The following NHSL2 variants were observed in gnomAD, a reference collection of about 807,000 sequenced individuals.
NHSL2 encodes the protein NHS like 2.
NHSL2 carries 27 observed loss-of-function variants against 53.4 expected under a neutral mutation model. The ratio of observed to expected loss-of-function variants is 0.51; its 90% CI spans 0.37 to 0.70. The LOEUF is 0.70. Among genes scored for constraint, NHSL2 ranks in the 30% least tolerant of loss-of-function variants. NHSL2 has a pLI of 0.00. For missense variants in NHSL2, 892 were observed against 980.1 expected (o/e 0.91, Z 1.20); for synonymous variants, 408 against 404.1 (o/e 1.01, Z -0.12).
intron 1 of NHSL2, among the ~76,000 whole-genome samples, chrX:71,946,635 A>G (rs1381578490): frequency 8.9e-6 from 1 of 111,898 alleles, no homozygotes; most frequent in Non-Finnish European, 1.9e-5. Flanking sequence ...AGCCCATATC[A>G]TCTTATATCT....
At chrX:71,935,501 T>G (rs1158751482) in intron 1 of NHSL2, among the ~76,000 whole-genome samples, 1 of 112,832 alleles carries the variant, frequency 8.9e-6, no homozygotes, top group African/African-American at 3.2e-5. Flanking sequence ...GGCAGCTCAT[T>G]TGAAGGAGAG....
chrX:71,966,256 C>T (rs916299229), intron 1 of NHSL2, among the ~76,000 whole-genome samples: 53 of 112,156 alleles, frequency 4.7e-4, no homozygotes, highest in African/African-American at 1.7e-3. Context: ...CATCTGTGAA[C>T]ACAGACAGTT....
chrX:72,137,015 T>G, intron 4 of NHSL2, 79 bp from the exon 5 acceptor site: 2 of 864,129 alleles, frequency 2.3e-6, no homozygotes, highest in Non-Finnish European at 3.3e-6. Context: ...ACTGCCATCA[T>G]TCTCTTCTCT....
rs759783921 is a variant in NHSL2 at position 71,910,863 on chromosome X, G to C, written c.-225G>C. 7.6e-5 allele frequency: 17 copies of C among 224,751 alleles called. No homozygotes were observed. Among genetic ancestry groups the C allele is most frequent in the African/African-American group, 4.7e-4 (16 of 33,738 alleles). The allele number at this position is 224,751 out of a possible 1,213,427, so 18.5% of individuals were successfully genotyped here. ...CAGAGTCAGAGGGACTGGTGGCTCC[G>C]GCGAGTGTGCAGCCCCGGGGGAGCC... On this transcript the variant is annotated 5_prime_UTR_variant, in exon 1 of 8. Transcript: ENST00000633930.
intron 1 of NHSL2, among the ~76,000 whole-genome samples, chrX:72,027,885 C>T (rs2042193812): frequency 1.8e-5 from 2 of 110,850 alleles, no homozygotes; most frequent in Middle Eastern, 4.2e-3. Flanking sequence ...CAGAAGGAGG[C>T]TTGGTCCATG....
At chrX:71,923,438 T>C (rs1335104936) in intron 1 of NHSL2, among the ~76,000 whole-genome samples, 1 of 112,493 alleles carries the variant, frequency 8.9e-6, no homozygotes, top group Non-Finnish European at 1.9e-5. Flanking sequence ...GCATTGGGCT[T>C]GGCTGAATTG....
Position 71,943,747 on chromosome X carries a change from A to G in NHSL2, c.280+32380A>G, listed in dbSNP as rs1438900749. Among the ~76,000 whole-genome samples, 3 of 112,734 alleles carry G rather than the reference A, an allele frequency of 2.7e-5. No homozygotes were observed. The East Asian group carries it at 8.3e-4, about 31-fold the overall frequency. On this transcript the variant is annotated intron_variant, in intron 1 of 7. Transcript: ENST00000633930. ...GCAACATGCAAGGCATATGGGAGGTATAACTGGGTATACTTTGGCCTGAAA... is the reference window on the plus strand; with the variant it reads ...GCAACATGCAAGGCATATGGGAGGTGTAACTGGGTATACTTTGGCCTGAAA...
At position 71,916,270 on chromosome X, in the gene NHSL2, C is replaced by A. The variant is rs755055922; in HGVS notation, c.280+4903C>A. Among the ~76,000 whole-genome samples, 6 of 111,998 alleles carry A rather than the reference C, an allele frequency of 5.4e-5. No homozygotes were observed. In the East Asian group the frequency reaches 1.7e-3, roughly 31 times the overall value. On this transcript the variant is annotated intron_variant, in intron 1 of 7. Coordinates refer to ENST00000633930, the MANE Select transcript of NHSL2 (RefSeq NM_001013627.3). ...TTCAGAAGGCACCTTTTATTAAAAA[C>A]CAATGGGAACAAGAAAGTAACATTA...
intron 1 of NHSL2, among the ~76,000 whole-genome samples, chrX:72,119,642 G>T (rs1237335842): frequency 8.9e-6 from 1 of 112,383 alleles, no homozygotes; most frequent in Non-Finnish European, 1.9e-5. Context: ...AGTTTTAATA[G>T]TTTTTTAGTG....
chrX:72,027,960 G>A (rs1336828966), intron 1 of NHSL2, among the ~76,000 whole-genome samples: 1 of 111,974 alleles, frequency 8.9e-6, no homozygotes, highest in African/African-American at 3.3e-5. Context: ...GAGTTTAGGA[G>A]TGTGAGGTGT....
intron 3 of NHSL2, 144 bp downstream of exon 3, chrX:72,134,362 A>T: frequency 1.2e-6 from 1 of 841,356 alleles, no homozygotes; most frequent in Non-Finnish European, 1.7e-6. Context: ...TAGGCCCTGC[A>T]CAGCAGGTGC....
intron 1 of NHSL2, among the ~76,000 whole-genome samples, chrX:71,915,759 A>G (rs1211167457): frequency 9.0e-6 from 1 of 111,349 alleles, no homozygotes; most frequent in Non-Finnish European, 1.9e-5. Flanking sequence ...TCTGACAACC[A>G]GACTAGTGCT....
intron 1 of NHSL2, chrX:72,080,260 C>T (rs947865983): frequency 1.8e-5 from 2 of 111,594 alleles, no homozygotes; most frequent in Non-Finnish European, 3.8e-5. Flanking sequence ...CTTCTGGATC[C>T]GGGGAGGTGA....
intron 1 of NHSL2, chrX:72,131,381 T>C (rs1382680510): frequency 8.3e-7 from 1 of 1,210,452 alleles, no homozygotes; most frequent in South Asian, 1.8e-5. Flanking sequence ...GGCCAGCGGA[T>C]GTAGCTGGAG....
chrX:72,115,066 G>A (rs987877172), intron 1 of NHSL2, among the ~76,000 whole-genome samples: 7 of 111,454 alleles, frequency 6.3e-5, no homozygotes, highest in African/African-American at 2.3e-4. Context: ...AATATAGAAA[G>A]CTAAGTTCAG....
chrX:71,947,684 C>T (rs140568129), intron 1 of NHSL2, among the ~76,000 whole-genome samples: 2,853 of 112,091 alleles, frequency 0.025, 32 homozygotes, highest in Non-Finnish European at 0.038. Context: ...TCTGTAGTGT[C>T]CCTGCTTCCC....
chrX:72,030,759 T>C (rs1220843511), intron 1 of NHSL2, among the ~76,000 whole-genome samples: 1 of 112,142 alleles, frequency 8.9e-6, no homozygotes, highest in African/African-American at 3.2e-5. Flanking sequence ...AATTTCGAGC[T>C]ACCAACAGTT....
intron 1 of NHSL2, among the ~76,000 whole-genome samples, chrX:72,111,506 A>T (rs73223152): frequency 0.067 from 7,497 of 112,413 alleles, 266 homozygotes; most frequent in Non-Finnish European, 0.092. Flanking sequence ...ACCCAGTGAG[A>T]CATTATTATT....
rs1556340452 is a variant in NHSL2, at chrX:72,048,070, G to GATA, written c.281-84007_281-84005dup. 8.4e-3 allele frequency among the ~76,000 whole-genome samples: 856 copies of GATA among 101,775 alleles called. 11 individuals are homozygous for GATA. The highest frequency in any genetic ancestry group is 0.03 in the African/African-American group (804 of 27,137). 88.4% of individuals were successfully genotyped at this position (101,775 alleles called of 115,157 possible). A position where few individuals can be genotyped will look rare whatever the true frequency, so the allele number is the denominator to read the frequency against. On this transcript the variant is annotated intron_variant, in intron 1 of 7. Coordinates refer to ENST00000633930, the MANE Select transcript of NHSL2 (RefSeq NM_001013627.3). ...TAACTGTGCCTTTCACACTCATGAT[G>GATA]ATAACAATAATAATAATAATAATAA...
Sources: gnomAD v4.1 joint callset for allele counts (sites outside exome capture counted in the v4.1 genomes callset) on GRCh38, gnomAD v4.1.1 for gene constraint, MANE v1.5 for transcripts, NCBI Gene and HGNC (gene_info 2026-07-23, HGNC 2026-07-21) for gene names.